SFMBT1: variants seen among roughly 807,000 people sequenced by gnomAD.
SFMBT1 encodes Scm like with four mbt domains 1, also known as scm-like with four MBT domains protein 1.
Under a neutral mutation model 108.7 loss-of-function variants are expected in SFMBT1, and 32 were observed. The observed-to-expected ratio is 0.29, with a 90% CI of 0.22 to 0.40. SFMBT1 has a LOEUF of 0.40. SFMBT1 is among the 10% of genes least tolerant of loss of function. The pLI, the probability that SFMBT1 is intolerant of heterozygous loss-of-function variation, is 1.00. For missense variants in SFMBT1, 816 were observed against 1,059.6 expected (o/e 0.77, Z 3.19); for synonymous variants, 348 against 369.5 (o/e 0.94, Z 0.67).
intron 1 of SFMBT1, among the ~76,000 whole-genome samples, chr3:53,031,686 A>G (rs1432606706): frequency 6.6e-6 from 1 of 152,122 alleles, no homozygotes; most frequent in East Asian, 1.9e-4. Context: ...TTACATACAC[A>G]TATTTGCCAG....
chr3:52,993,978 G>A (rs1698230602), intron 1 of SFMBT1, among the ~76,000 whole-genome samples: 1 of 150,072 alleles, frequency 6.7e-6, no homozygotes, highest in Non-Finnish European at 1.5e-5. Context: ...AGTAATTCAG[G>A]ATATATACAG....
intron 12 of SFMBT1, 38 bp from the exon 13 acceptor site, chr3:52,918,564 T>G (rs761494291): frequency 1.4e-6 from 2 of 1,385,980 alleles, no homozygotes; most frequent in East Asian, 4.8e-5. Context: ...CCAAGAAAAA[T>G]AAAAAGACAA....
intron 1 of SFMBT1, among the ~76,000 whole-genome samples, chr3:52,992,833 T>C (rs1483498867): frequency 6.6e-6 from 1 of 152,246 alleles, no homozygotes; most frequent in Non-Finnish European, 1.5e-5. Context: ...GCATTTCACC[T>C]GGAGTGATTC....
rs114142484 is a variant in SFMBT1, at chr3:53,039,942, T to C, written c.-131+5874A>G. ...ATATCACTATGTTCTAGACAGGCAA[T>C]ATGCTAAGTGCATTGGTGTGATCAC... is the stretch of plus-strand genomic sequence containing the variant. On this transcript the variant is annotated intron_variant, in intron 1 of 20. Transcript: ENST00000394752. Among the ~76,000 whole-genome samples, 476 of 152,316 alleles carry C rather than the reference T, an allele frequency of 3.1e-3. 1 individual carries two copies. The highest frequency in any genetic ancestry group is 0.011 in the African/African-American group (458 of 41,550).
intron 1 of SFMBT1, among the ~76,000 whole-genome samples, chr3:53,031,489 A>G (rs917921669): frequency 1.3e-5 from 2 of 152,262 alleles, no homozygotes; most frequent in African/African-American, 4.8e-5. Flanking sequence ...CATTTTGCCA[A>G]CTTAAAACAT....
chr3:52,935,490 C>T (rs958051040), intron 4 of SFMBT1, among the ~76,000 whole-genome samples: 1 of 152,216 alleles, frequency 6.6e-6, no homozygotes, highest in Non-Finnish European at 1.5e-5. Context: ...TTGCCCTTTA[C>T]AGATAATTTG....
intron 3 of SFMBT1, among the ~76,000 whole-genome samples, chr3:52,947,827 C>G (rs148866642): frequency 6.6e-6 from 1 of 152,054 alleles, no homozygotes; most frequent in African/African-American, 2.4e-5. Flanking sequence ...CTCTGCCTCC[C>G]GGGCTCAAGT....
At chr3:52,965,963 G>A (rs1392801412) in intron 2 of SFMBT1, among the ~76,000 whole-genome samples, 1 of 109,930 alleles carries the variant, frequency 9.1e-6, no homozygotes, top group Non-Finnish European at 1.7e-5. Flanking sequence ...CCGAGATCCC[G>A]CCACTGCACT....
Position 52,907,701 on chromosome 3 carries a change from T to C in SFMBT1, c.1939A>G (p.Ile647Val). The C allele has an allele frequency of 6.2e-7, 1 of 1,611,140 alleles. No homozygotes were observed. Among genetic ancestry groups the C allele is most frequent in the South Asian group, 1.1e-5 (1 of 90,378 alleles). Residue 647 changes from isoleucine (I) to valine (V), a missense_variant, in exon 18 of 21, where the codon ATT becomes GTT. Physicochemically the swap from Ile to Val is conservative, Grantham distance 29 (BLOSUM62 3). This residue lies in a region of SFMBT1 where 177 missense variants were observed against 182.0 expected (regional missense o/e 0.97). Transcript: ENST00000394752. ...CTATGCCCACCAGGTGGCCTCCCAA[T>C]TCTTTTATTTTTCTTCTTTCCGTAA... ...HYYGKKKNKR[I>V]GRPPGGHSNL...
intron 1 of SFMBT1, among the ~76,000 whole-genome samples, chr3:52,998,997 C>T (rs1559543489): frequency 6.6e-6 from 1 of 150,878 alleles, no homozygotes; most frequent in Non-Finnish European, 1.5e-5. Context: ...ACTGGCTCTA[C>T]TGTGAGCCGC....
Position 53,019,525 on chromosome 3 carries a change from C to T in SFMBT1, c.-131+26291G>A, listed in dbSNP as rs114198613. Among the ~76,000 whole-genome samples, 838 of 152,198 alleles carry T rather than the reference C, an allele frequency of 5.5e-3. 9 individuals are homozygous for T. Among genetic ancestry groups the T allele is most frequent in the African/African-American group, 0.019 (785 of 41,522 alleles). On this transcript the variant is annotated intron_variant, in intron 1 of 20. Coordinates refer to ENST00000394752, the MANE Select transcript of SFMBT1 (RefSeq NM_016329.4). ...CTTTTTCCTTCTCAACCCAACTCTC[C>T]CCAGGTTTCCCCATCTCAATATTAC...
At chr3:52,906,323 T>A (rs997881394) in intron 19 of SFMBT1, 82 bp from the exon 20 acceptor site, 1 of 1,600,492 alleles carries the variant, frequency 6.2e-7, no homozygotes, top group African/African-American at 1.3e-5. Flanking sequence ...AAATTCATAA[T>A]CTTTCAAGAC....
At position 52,928,193 on chromosome 3, in the gene SFMBT1, G is replaced by A. The variant is rs1393940153; in HGVS notation, c.1046C>T (p.Pro349Leu). The change falls in exon 9 of 21, where the codon CCA becomes CTA. Residue 349 changes from proline to leucine, a missense_variant and splice_region_variant. By Grantham distance (98) the Pro-to-Leu change is moderately conservative. Around this residue, in one of 5 missense-constraint regions of SFMBT1, gnomAD observed 495 missense variants for 607.4 expected, o/e 0.81. Transcript: ENST00000394752. Reference sequence around the variant, plus strand: ...TTCAGAAGACAGCGAATGTGCACCTGGAGGGGGGCTGATGTGTAGGCCATT... The same window carrying A: ...TTCAGAAGACAGCGAATGTGCACCTAGAGGGGGGCTGATGTGTAGGCCATT... Reference protein sequence around the residue: ...LKNGLHISPPPGYPSQDFDWA... With the variant: ...LKNGLHISPPLGYPSQDFDWA... 2.5e-6 allele frequency: 4 copies of A among 1,610,296 alleles called. No individual in the cohort carries two copies. Among genetic ancestry groups the A allele is most frequent in the Non-Finnish European group, 3.4e-6 (4 of 1,178,402 alleles).
chr3:53,001,458 A>G (rs894501976), intron 1 of SFMBT1, among the ~76,000 whole-genome samples: 8 of 149,832 alleles, frequency 5.3e-5, no homozygotes, highest in Non-Finnish European at 1.0e-4. Context: ...ATCACTCTTA[A>G]TTATTCTTAC....
intron 4 of SFMBT1, among the ~76,000 whole-genome samples, chr3:52,940,724 G>A (rs1209174777): frequency 6.6e-6 from 1 of 152,070 alleles, no homozygotes; most frequent in Non-Finnish European, 1.5e-5. Context: ...GAAGAGTAAT[G>A]GGATATTTTC....
chr3:53,029,279 A>C (rs890973264), intron 1 of SFMBT1, among the ~76,000 whole-genome samples: 1 of 152,152 alleles, frequency 6.6e-6, no homozygotes, highest in Non-Finnish European at 1.5e-5. Flanking sequence ...AATATTTTAC[A>C]GAAAATGGCA....
At chr3:52,917,088 A>C (rs973823469) in intron 13 of SFMBT1, among the ~76,000 whole-genome samples, 4 of 115,654 alleles carry the variant, frequency 3.5e-5, no homozygotes, top group African/African-American at 1.2e-4. Flanking sequence ...AAGTCAAGGA[A>C]AAATCCAAGG....
intron 3 of SFMBT1, among the ~76,000 whole-genome samples, chr3:52,951,126 A>AAAAG (rs1553637538): frequency 1.5e-5 from 2 of 134,120 alleles, no homozygotes; most frequent in Non-Finnish European, 3.1e-5. Flanking sequence ...TAAAAAAAAA[A>AAAAG]AAAAAAGAAA....
chr3:53,031,768 A>T (rs1699695326), intron 1 of SFMBT1, among the ~76,000 whole-genome samples: 1 of 152,240 alleles, frequency 6.6e-6, no homozygotes, highest in Non-Finnish European at 1.5e-5. Context: ...TACAATAGTA[A>T]ATGAACACAA....
Sources: gnomAD v4.1 joint callset for allele counts (sites outside exome capture counted in the v4.1 genomes callset) on GRCh38, gnomAD v4.1.1 for gene constraint, gnomAD v4.1.1 regional missense constraint, MANE v1.5 for transcripts, NCBI Gene and HGNC (gene_info 2026-07-23, HGNC 2026-07-21) for gene names.